The following SYCP2 variants were observed in gnomAD, a reference collection of about 807,000 sequenced individuals.
SYCP2 encodes synaptonemal complex protein 2.
Under a neutral mutation model 211.3 loss-of-function variants are expected in SYCP2, and 55 were observed. The ratio of observed to expected loss-of-function variants is 0.26; its 90% CI spans 0.21 to 0.33. SYCP2 has a LOEUF of 0.33. SYCP2 is among the 10% of genes least tolerant of loss of function. The pLI, the probability that SYCP2 is intolerant of heterozygous loss-of-function variation, is 1.00. For synonymous variants in SYCP2, 570 were observed against 555.2 expected (o/e 1.03, Z -0.37); for missense variants, 1,731 against 1,752.0 (o/e 0.99, Z 0.21).
At chr20:59,928,436 T>TA (rs1214205072) in intron 2 of SYCP2, among the ~76,000 whole-genome samples, 4 of 152,146 alleles carry the variant, frequency 2.6e-5, no homozygotes, top group Non-Finnish European at 5.9e-5. Flanking sequence ...GCAATTCCAG[T>TA]AAAAATCACA....
intron 24 of SYCP2, 70 bp downstream of exon 24, chr20:59,891,920 T>A (rs2059915147): frequency 3.8e-6 from 5 of 1,322,040 alleles, no homozygotes; most frequent in Middle Eastern, 4.1e-4. Context: ...TAATCAAGTT[T>A]CTTTCTTTCT....
chr20:59,882,019 C>T lies in SYCP2; in HGVS notation c.2601-17G>A, dbSNP rs1240345352. The T allele has an allele frequency of 6.2e-6, 10 of 1,610,852 alleles. No homozygotes were observed. The highest frequency in any genetic ancestry group is 8.5e-6 in the Non-Finnish European group (10 of 1,177,798). On this transcript the variant is annotated splice_polypyrimidine_tract_variant and intron_variant, in intron 27 of 44. Coordinates refer to ENST00000357552, the MANE Select transcript of SYCP2 (RefSeq NM_014258.4). ...ACATCATTCCTGTGAAAATGAAGAG[C>T]AATATTAGCTCCACTTAAATATGTG...
At chr20:59,869,279 T>C (rs755943722) in intron 36 of SYCP2, among the ~76,000 whole-genome samples, 5 of 151,792 alleles carry the variant, frequency 3.3e-5, no homozygotes, top group Non-Finnish European at 7.4e-5. Flanking sequence ...CCTTATGTTA[T>C]ACTATTTGAA....
chr20:59,865,477 A>G, intron 43 of SYCP2, 33 bp from the exon 44 acceptor site: 3 of 1,596,294 alleles, frequency 1.9e-6, no homozygotes, highest in Non-Finnish European at 2.6e-6. Context: ...CACCCATGAA[A>G]TTTACCATAA....
At chr20:59,900,366 C>T (rs2060093300) in intron 17 of SYCP2, 82 bp from the exon 18 acceptor site, 6 of 1,167,270 alleles carry the variant, frequency 5.1e-6, no homozygotes, top group Admixed American at 5.6e-5. Context: ...TCTTAAGCTC[C>T]TACTCATCTC....
chr20:59,917,725 T>C (rs2060469404), intron 7 of SYCP2, among the ~76,000 whole-genome samples: 1 of 152,150 alleles, frequency 6.6e-6, no homozygotes, highest in Non-Finnish European at 1.5e-5. Flanking sequence ...CCTAGGTAAG[T>C]CTTCTTCAAT....
At chr20:59,865,288 C>T (rs529456182) in intron 44 of SYCP2, 100 bp downstream of exon 44, 1 of 934,206 alleles carries the variant, frequency 1.1e-6, no homozygotes, top group East Asian at 2.5e-5. Flanking sequence ...TTTCTCTCAA[C>T]CCAAAAGAAA....
intron 34 of SYCP2, among the ~76,000 whole-genome samples, chr20:59,874,771 C>T (rs1336659169): frequency 6.6e-6 from 1 of 151,840 alleles, no homozygotes; most frequent in Non-Finnish European, 1.5e-5. Flanking sequence ...ACACATATAC[C>T]AGAGCTCCAA....
intron 36 of SYCP2, among the ~76,000 whole-genome samples, chr20:59,869,142 C>CT (rs1453984040): frequency 4.6e-5 from 7 of 151,510 alleles, no homozygotes; most frequent in Non-Finnish European, 5.9e-5. Flanking sequence ...ATGTGAGCTA[C>CT]TTTTTTTTCT....
At chr20:59,874,359 T>C (rs2059513278) in intron 34 of SYCP2, among the ~76,000 whole-genome samples, 1 of 152,132 alleles carries the variant, frequency 6.6e-6, no homozygotes, top group Non-Finnish European at 1.5e-5. Flanking sequence ...AGTATTATCT[T>C]GAGTATTCTG....
chr20:59,863,683 TA>T lies in SYCP2; in HGVS notation c.*627del, dbSNP rs1227403760. The T allele has an allele frequency of 1.3e-5, 2 of 152,000 alleles. No individual in the cohort carries two copies. The highest frequency in any genetic ancestry group is 2.9e-5 in the Non-Finnish European group (2 of 67,912). 9.4% of individuals were successfully genotyped at this position (152,000 alleles called of 1,614,324 possible). On this transcript the variant is annotated 3_prime_UTR_variant, in exon 45 of 45. Coordinates refer to ENST00000357552, the MANE Select transcript of SYCP2 (RefSeq NM_014258.4). ...CAAGATATTACAATGACTACTAGAT[TA>T]AAAGTATTTGTCAAACAGCCTGGTT...
intron 26 of SYCP2, among the ~76,000 whole-genome samples, chr20:59,884,314 A>G (rs2059743890): frequency 6.6e-6 from 1 of 152,074 alleles, no homozygotes; most frequent in South Asian, 2.1e-4. Context: ...TGTTAGGAAA[A>G]AAATATGTGT....
chr20:59,903,244 G>T (rs540130756), intron 15 of SYCP2, among the ~76,000 whole-genome samples: 1 of 152,134 alleles, frequency 6.6e-6, no homozygotes, highest in African/African-American at 2.4e-5. Context: ...TAATTAGTTA[G>T]TGTTACTGAG....
Position 59,871,512 on chromosome 20 carries a change from C to A in SYCP2, c.3556-1529G>T, listed in dbSNP as rs545504345. ...GTAACTGTTAAAATTCCATCTAACA[C>A]AGAGTAGCATCAAAGATGGTGGGTG... On this transcript the variant is annotated intron_variant, in intron 35 of 44. Transcript: ENST00000357552. Among the ~76,000 whole-genome samples the A allele has an allele frequency of 4.6e-5, 7 of 151,910 alleles. No individual in the cohort carries two copies. In the South Asian group the frequency reaches 1.2e-3, roughly 27 times the overall value.
Position 59,893,564 on chromosome 20 carries a change from G to T in SYCP2, c.1695C>A (p.Asn565Lys). 7 of 1,608,990 alleles carry T rather than the reference G, an allele frequency of 4.4e-6. No homozygotes were observed. Among genetic ancestry groups the T allele is most frequent in the Non-Finnish European group, 5.1e-6 (6 of 1,177,020 alleles). ...GGAATTCAACATTCTTATTTTCTGT[G>T]TTTTCTACACACTTAGCAGTTTTGA... ...KHIKTAKCVE[N>K]TENKNVEFPN... The change falls in exon 21 of 45, where the codon AAC (asparagine) becomes AAA (lysine). Residue 565 changes from asparagine (N) to lysine (K), a missense_variant. Asn to Lys is a moderately conservative substitution (Grantham distance 94, BLOSUM62 0). This residue lies in a region of SYCP2 where 1,387 missense variants were observed against 1,351.3 expected (regional missense o/e 1.03). Transcript: ENST00000357552.
At chr20:59,890,573 G>GGTAGGTAA (rs1402612408) in intron 24 of SYCP2, among the ~76,000 whole-genome samples, 1 of 150,680 alleles carries the variant, frequency 6.6e-6, no homozygotes, top group Admixed American at 6.6e-5. Flanking sequence ...TAGATAGGTA[G>GGTAGGTAA]GTAGGTAAGT....
intron 31 of SYCP2, among the ~76,000 whole-genome samples, chr20:59,879,846 TATATATATATATATATACAC>T (rs1390306613): frequency 2.2e-4 from 25 of 115,062 alleles, no homozygotes; most frequent in African/African-American, 6.4e-4. Flanking sequence ...TATATATATA[TATATATATATATATATACAC>T]ACACACACAC....
Position 59,892,158 on chromosome 20 carries a change from T to A in SYCP2, c.2196A>T (p.Thr732=). 41 of 1,612,400 alleles carry A rather than the reference T, an allele frequency of 2.5e-5. No individual in the cohort carries two copies. Among genetic ancestry groups the A allele is most frequent in the Non-Finnish European group, 3.5e-5 (41 of 1,179,084 alleles). Reference sequence around the variant, plus strand: ...TCCTATATATCAGCGATTCTTCAATTGTCTTATTTAGGAGAACCGATTTAA... The same window carrying A: ...TCCTATATATCAGCGATTCTTCAATAGTCTTATTTAGGAGAACCGATTTAA... The part of the protein sequence containing the change: ...TTFKSVLLNK[T]IEESLIYRKK... Residue 732 remains threonine (T), a synonymous_variant, in exon 24 of 45, where the codon ACA becomes ACT. Coordinates refer to ENST00000357552, the MANE Select transcript of SYCP2 (RefSeq NM_014258.4).
At chr20:59,907,593 GTTATAT>G (rs1381866375) in intron 14 of SYCP2, among the ~76,000 whole-genome samples, 169 bp from the exon 15 acceptor site, 1 of 151,376 alleles carries the variant, frequency 6.6e-6, no homozygotes, top group African/African-American at 2.4e-5. Context: ...TATTACACAT[GTTATAT>G]TTAATGTATT....
Sources: gnomAD v4.1 joint callset for allele counts (sites outside exome capture counted in the v4.1 genomes callset) on GRCh38, gnomAD v4.1.1 for gene constraint, gnomAD v4.1.1 regional missense constraint, MANE v1.5 for transcripts, NCBI Gene and HGNC (gene_info 2026-07-23, HGNC 2026-07-21) for gene names.